The following LRP1B variants were observed in gnomAD, a reference collection of about 807,000 sequenced individuals.
LRP1B encodes low-density lipoprotein receptor-related protein 1B.
LRP1B carries 217 observed loss-of-function variants against 556.6 expected under a neutral mutation model. The ratio of observed to expected loss-of-function variants is 0.39; its 90% CI spans 0.35 to 0.44. LRP1B has a LOEUF of 0.44. Ranked by LOEUF, LRP1B falls within the 20% of genes least tolerant of loss-of-function variation. LRP1B has a pLI of 1.00. For synonymous variants in LRP1B, 2,047 were observed against 1,865.8 expected, an observed-to-expected ratio of 1.10 and a Z score of -2.50; for missense variants, 5,053 against 5,620.8, an observed-to-expected ratio of 0.90 and a Z score of 3.23.
Position 141,570,594 on chromosome 2 carries a change from C to T in LRP1B, c.206-90061G>A, listed in dbSNP as rs774062922. ...GCCTGCTATCTAAACAGTTTGACCT[C>T]GGAAGAGGGTGAGGGGTAGCAGCCA... On this transcript the variant is annotated intron_variant, in intron 2 of 90. Coordinates refer to ENST00000389484, the MANE Select transcript of LRP1B (RefSeq NM_018557.3). Among the ~76,000 whole-genome samples the T allele has an allele frequency of 2.0e-4, 14 of 69,508 alleles. 2 individuals are homozygous for T. Among genetic ancestry groups the T allele is most frequent in the Non-Finnish European group, 4.8e-4 (10 of 20,978 alleles). The allele number at this position is 69,508 out of a possible 152,430, so 45.6% of individuals were successfully genotyped here. A position where few individuals can be genotyped will look rare whatever the true frequency, so the allele number is the denominator to read the frequency against.
chr2:141,209,520 G>A (rs1011313020), intron 6 of LRP1B, among the ~76,000 whole-genome samples: 2 of 152,150 alleles, frequency 1.3e-5, no homozygotes, highest in African/African-American at 4.8e-5. Flanking sequence ...TAATCCAAGA[G>A]CTTAACAATG....
intron 2 of LRP1B, among the ~76,000 whole-genome samples, chr2:141,770,096 G>C (rs141733868): frequency 5.9e-5 from 9 of 152,106 alleles, no homozygotes; most frequent in African/African-American, 2.2e-4. Flanking sequence ...ATTGATTTCT[G>C]ATTGGTTCTG....
chr2:140,907,545 G>C (rs1324881638), intron 22 of LRP1B, among the ~76,000 whole-genome samples: 1 of 152,084 alleles, frequency 6.6e-6, no homozygotes, highest in Non-Finnish European at 1.5e-5. Context: ...GGAACAACAA[G>C]TTTTCCTTGT....
chr2:140,594,177 T>G (rs1206829056), intron 43 of LRP1B, among the ~76,000 whole-genome samples: 1 of 152,020 alleles, frequency 6.6e-6, no homozygotes, highest in Admixed American at 6.6e-5. Flanking sequence ...ACCATCTTGG[T>G]CAGGCTGGTC....
At chr2:140,560,525 TA>T (rs1181383390) in intron 43 of LRP1B, among the ~76,000 whole-genome samples, 1 of 152,134 alleles carries the variant, frequency 6.6e-6, no homozygotes, top group Non-Finnish European at 1.5e-5. Flanking sequence ...TCATTAAACA[TA>T]AAACAATTTC....
At chr2:141,183,925 C>G (rs1266378255) in intron 7 of LRP1B, among the ~76,000 whole-genome samples, 1 of 151,982 alleles carries the variant, frequency 6.6e-6, no homozygotes, top group Non-Finnish European at 1.5e-5. Flanking sequence ...TAATTATCTC[C>G]TCTTGTTGAA....
chr2:141,490,898 C>T (rs1056789606), intron 2 of LRP1B, among the ~76,000 whole-genome samples: 14 of 150,696 alleles, frequency 9.3e-5, no homozygotes, highest in African/African-American at 2.7e-4. Flanking sequence ...TCTCCTTCGT[C>T]CCCCTCCCTC....
At chr2:141,191,174 A>G (rs1291151590) in intron 6 of LRP1B, among the ~76,000 whole-genome samples, 1 of 151,842 alleles carries the variant, frequency 6.6e-6, no homozygotes, top group African/African-American at 2.4e-5. Context: ...CTCAGGCTCA[A>G]CCATCTCTTT....
intron 7 of LRP1B, among the ~76,000 whole-genome samples, 178 bp downstream of exon 7, chr2:141,188,243 C>T (rs957300586): frequency 1.3e-5 from 2 of 151,930 alleles, no homozygotes; most frequent in Non-Finnish European, 2.9e-5. Context: ...AATAACTCAC[C>T]AGCTTCTGCC....
At position 140,495,712 on chromosome 2, in the gene LRP1B, C is replaced by T. The variant is rs138429900; in HGVS notation, c.8887G>A (p.Gly2963Ser). ...CWPGFQLKDDGKTCVDIDECS... is the reference protein window; with the variant it reads ...CWPGFQLKDDSKTCVDIDECS... ...TCATCAATGTCTACACATGTTTTGC[C>T]GTCATCCTTCAGTTGGAATCCAGGC... The change falls in exon 56 of 91, where the codon GGC becomes AGC. Residue 2963 changes from glycine (G) to serine (S), a missense_variant. This residue lies in a region of LRP1B where 3,619 missense variants were observed against 3,931.9 expected (regional missense o/e 0.92). Coordinates refer to ENST00000389484, the MANE Select transcript of LRP1B (RefSeq NM_018557.3). 32 of 1,611,134 alleles carry T rather than the reference C, an allele frequency of 2.0e-5. No homozygotes were observed. Among genetic ancestry groups the T allele is most frequent in the African/African-American group, 1.9e-4 (14 of 74,876 alleles).
At chr2:140,781,188 T>C (rs1471013767) in intron 32 of LRP1B, among the ~76,000 whole-genome samples, 1 of 152,106 alleles carries the variant, frequency 6.6e-6, no homozygotes, top group Non-Finnish European at 1.5e-5. Flanking sequence ...CCAAAGGAGC[T>C]TGTGCTCATC....
chr2:141,730,625 T>A (rs1693234558), intron 2 of LRP1B, among the ~76,000 whole-genome samples: 1 of 152,130 alleles, frequency 6.6e-6, no homozygotes, highest in South Asian at 2.1e-4. Context: ...ATGGGCACAA[T>A]TTATGCCTGA....
chr2:140,782,663 A>G (rs965998126), intron 32 of LRP1B, among the ~76,000 whole-genome samples: 1 of 152,184 alleles, frequency 6.6e-6, no homozygotes, highest in African/African-American at 2.4e-5. Context: ...TAATATTCAT[A>G]TGTTAAATAT....
At chr2:140,548,792 G>T (rs935657515) in intron 43 of LRP1B, among the ~76,000 whole-genome samples, 7 of 151,920 alleles carry the variant, frequency 4.6e-5, no homozygotes, top group South Asian at 2.1e-4. Flanking sequence ...GGGCATGGTT[G>T]TGCGTGCCTG....
rs577406797 is a variant in LRP1B at position 141,730,520 on chromosome 2, C to T, written c.205+79759G>A. Reference sequence around the variant, plus strand: ...TACTTGTCTACATTTGAAGGCTACCCCTTTTTGAATTTCTTGTCCAAGTCA... The same window carrying T: ...TACTTGTCTACATTTGAAGGCTACCTCTTTTTGAATTTCTTGTCCAAGTCA... On this transcript the variant is annotated intron_variant, in intron 2 of 90. Transcript: ENST00000389484. Among the ~76,000 whole-genome samples the T allele has an allele frequency of 2.6e-5, 4 of 152,242 alleles. No individual in the cohort carries two copies. In the South Asian group the frequency reaches 6.2e-4, roughly 24 times the overall value.
intron 41 of LRP1B, among the ~76,000 whole-genome samples, chr2:140,631,157 A>T (rs1265003021): frequency 6.6e-6 from 1 of 152,178 alleles, no homozygotes; most frequent in East Asian, 1.9e-4. Context: ...GCAAACATTA[A>T]ACATAATCCA....
chr2:141,918,916 C>G (rs1700108616), intron 1 of LRP1B, among the ~76,000 whole-genome samples: 3 of 152,084 alleles, frequency 2.0e-5, no homozygotes, highest in Admixed American at 2.0e-4. Context: ...GACTGTCACC[C>G]ATGTGCCTGT....
intron 1 of LRP1B, among the ~76,000 whole-genome samples, chr2:142,005,779 A>T: frequency 6.6e-6 from 1 of 151,930 alleles, no homozygotes; most frequent in Middle Eastern, 3.2e-3. Flanking sequence ...CACCTTTCTC[A>T]GGCTAGTTTT....
At chr2:142,098,655 A>G (rs1326861914) in intron 1 of LRP1B, among the ~76,000 whole-genome samples, 3 of 151,782 alleles carry the variant, frequency 2.0e-5, no homozygotes, top group African/African-American at 7.2e-5. Context: ...AACAAAGGTA[A>G]TAAAATAAAT....
Sources: allele counts gnomAD v4.1 joint callset (sites outside exome capture counted in the v4.1 genomes callset), GRCh38; gene constraint gnomAD v4.1.1; regional missense constraint gnomAD v4.1.1; transcripts MANE v1.5; gene names NCBI Gene and HGNC (gene_info 2026-07-23, HGNC 2026-07-21).